Variants in MYO6 observed in about 807,000 individuals in gnomAD.
The protein encoded by MYO6 is myosin VI.
A neutral mutation model predicts 178.7 loss-of-function variants in MYO6; 74 were observed. That is an observed-to-expected ratio of 0.41 (90% CI 0.34 to 0.50). MYO6 has a LOEUF of 0.50. Among genes scored for constraint, MYO6 ranks in the 20% least tolerant of loss-of-function variants. The pLI is 0.09. For synonymous variants in MYO6, 477 were observed against 504.6 expected (o/e 0.95, Z 0.73); for missense variants, 1,330 against 1,547.4 (o/e 0.86, Z 2.36).
chr6:75,866,464 A>C (rs370882595), intron 16 of MYO6, 62 bp from the exon 17 acceptor site: 13 of 1,335,972 alleles, frequency 9.7e-6, no homozygotes, highest in African/African-American at 8.7e-5. Context: ...GTTGTTTTGT[A>C]AAGAATGATT....
At chr6:75,787,202 G>A (rs1767656578) in intron 1 of MYO6, among the ~76,000 whole-genome samples, 1 of 152,120 alleles carries the variant, frequency 6.6e-6, no homozygotes, top group Non-Finnish European at 1.5e-5. Flanking sequence ...CGAACAATGG[G>A]AACTCTCATA....
At chr6:75,836,191 T>C (rs772849209) in intron 7 of MYO6, among the ~76,000 whole-genome samples, 3 of 152,186 alleles carry the variant, frequency 2.0e-5, no homozygotes, top group Non-Finnish European at 4.4e-5. Context: ...ACCCTTAGAA[T>C]GGTAACTGAT....
Position 75,848,476 on chromosome 6 carries a change from A to G in MYO6, c.1023A>G (p.Val341=), listed in dbSNP as rs1459188941. The stretch of plus-strand genomic sequence containing the variant: ...AAAAGCTTGATCTCTTCCGGGTAGT[A>G]GCTGGCGTCCTGCACCTTGGAAATA... ...DEEKLDLFRV[V]AGVLHLGNID... is the part of the protein sequence containing the mutation. Residue 341 remains valine, a synonymous_variant, in exon 11 of 35, where the codon GTA becomes GTG. Transcript: ENST00000369977. 1 of 1,613,950 alleles carries G rather than the reference A, an allele frequency of 6.2e-7. No homozygotes were observed. The highest frequency in any genetic ancestry group is 1.7e-4 in the Middle Eastern group (1 of 6,060).
chr6:75,914,723 A>G (rs1394049271), intron 34 of MYO6, 90 bp from the exon 35 acceptor site: 3 of 1,229,728 alleles, frequency 2.4e-6, no homozygotes, highest in African/African-American at 1.5e-5. Flanking sequence ...TTTCAAATCT[A>G]TGAGAATTAA....
chr6:75,766,093 C>T (rs1381939464), intron 1 of MYO6, among the ~76,000 whole-genome samples: 6 of 152,224 alleles, frequency 3.9e-5, no homozygotes, highest in Admixed American at 6.5e-5. Context: ...AAGGCCGAGG[C>T]GGGCAGATCA....
At chr6:75,865,567 G>T (rs1454585377) in intron 16 of MYO6, among the ~76,000 whole-genome samples, 2 of 151,540 alleles carry the variant, frequency 1.3e-5, no homozygotes, top group Non-Finnish European at 2.9e-5. Flanking sequence ...GTTTTGCCAT[G>T]TTGCTCAGGC....
chr6:75,760,399 T>G (rs1777839110), intron 1 of MYO6, among the ~76,000 whole-genome samples: 1 of 152,134 alleles, frequency 6.6e-6, no homozygotes. Context: ...AACAATTAGA[T>G]TATGACTTAT....
intron 29 of MYO6, among the ~76,000 whole-genome samples, chr6:75,897,973 T>A (rs986943937): frequency 6.6e-6 from 1 of 152,240 alleles, no homozygotes; most frequent in African/African-American, 2.4e-5. Flanking sequence ...TTCACCATTG[T>A]GCCTTATCTA....
chr6:75,824,762 ATT>A (rs35925414), intron 3 of MYO6, among the ~76,000 whole-genome samples: 7 of 142,002 alleles, frequency 4.9e-5, no homozygotes, highest in Admixed American at 7.1e-5. Flanking sequence ...TTCGGTCTAA[ATT>A]TTTTTTTTTT....
chr6:75,798,550 G>A (rs1433700724), intron 1 of MYO6, among the ~76,000 whole-genome samples: 1 of 152,170 alleles, frequency 6.6e-6, no homozygotes, highest in Non-Finnish European at 1.5e-5. Context: ...GGCAGAAAAA[G>A]CTTTCTGTAA....
At chr6:75,884,187 G>A (rs571589629) in intron 23 of MYO6, among the ~76,000 whole-genome samples, 303 of 152,146 alleles carry the variant, frequency 2.0e-3, no homozygotes, top group Non-Finnish European at 3.2e-3. Flanking sequence ...ATGTTAATAG[G>A]AAACTCTGAA....
chr6:75,857,375 C>A, intron 13 of MYO6, 121 bp downstream of exon 13: 1 of 982,996 alleles, frequency 1.0e-6, no homozygotes, highest in Non-Finnish European at 1.6e-6. Context: ...AATTATATGT[C>A]CACACTCACA....
At chr6:75,786,224 C>A (rs1767553339) in intron 1 of MYO6, among the ~76,000 whole-genome samples, 1 of 151,986 alleles carries the variant, frequency 6.6e-6, no homozygotes, top group Non-Finnish European at 1.5e-5. Flanking sequence ...CTGTGCCCAG[C>A]CTATATATTT....
chr6:75,794,257 A>T (rs996785680), intron 1 of MYO6, among the ~76,000 whole-genome samples: 1 of 152,242 alleles, frequency 6.6e-6, no homozygotes, highest in Non-Finnish European at 1.5e-5. Flanking sequence ...CATCTAAAAA[A>T]TAGAAAGAAT....
Position 75,766,466 on chromosome 6 carries a change from TATTA to T in MYO6, c.-48+17048_-48+17051del, listed in dbSNP as rs531798661. ...CTAACATAAAGGAAAGTTATTAAAT[TATTA>T]ATTATAGTAATTACATTAATATATT... On this transcript the variant is annotated intron_variant, in intron 1 of 34. Coordinates refer to ENST00000369977, the MANE Select transcript of MYO6 (RefSeq NM_004999.4). 2.1e-3 allele frequency among the ~76,000 whole-genome samples: 313 copies of T among 152,258 alleles called. 1 individual carries two copies. The highest frequency in any genetic ancestry group is 7.1e-3 in the South Asian group (34 of 4,822).
In MYO6 at chr6:75,832,788, A is replaced by G. The variant is rs1260673962; in HGVS notation, c.392-54A>G. On this transcript the variant is annotated intron_variant, in intron 5 of 34. Transcript: ENST00000369977. Reference sequence around the variant, plus strand: ...GTGGTCCTAAAGTGAACTTTCTATTATTAACTTTATATTTAATATATTGCT... The same window carrying G: ...GTGGTCCTAAAGTGAACTTTCTATTGTTAACTTTATATTTAATATATTGCT... 6.4e-6 allele frequency: 7 copies of G among 1,093,964 alleles called. No individual in the cohort carries two copies. In the Admixed American group the frequency reaches 1.2e-4, roughly 19 times the overall value. The allele number at this position is 1,093,964 out of a possible 1,614,324, so 67.8% of individuals were successfully genotyped here.
intron 7 of MYO6, among the ~76,000 whole-genome samples, chr6:75,838,736 A>G: frequency 6.8e-6 from 1 of 147,264 alleles, no homozygotes; most frequent in South Asian, 2.1e-4. Context: ...ATCTCGGCTC[A>G]CCTCAACCTC....
chr6:75,784,499 C>G (rs1181969729), intron 1 of MYO6, among the ~76,000 whole-genome samples: 6 of 151,574 alleles, frequency 4.0e-5, no homozygotes, highest in Non-Finnish European at 7.4e-5. Flanking sequence ...GTTTGCCCGG[C>G]GCGGTGGCTC....
chr6:75,881,225 G>A (rs1484327833), intron 22 of MYO6, among the ~76,000 whole-genome samples: 1 of 152,120 alleles, frequency 6.6e-6, no homozygotes, highest in Non-Finnish European at 1.5e-5. Flanking sequence ...CTGCAAAAAA[G>A]GTTGGGGGTG....
Sources: allele counts gnomAD v4.1 joint callset (sites outside exome capture counted in the v4.1 genomes callset), GRCh38; gene constraint gnomAD v4.1.1; transcripts MANE v1.5; gene names NCBI Gene and HGNC (gene_info 2026-07-23, HGNC 2026-07-21).